The following PRKCA variants were observed in gnomAD, a reference collection of about 807,000 sequenced individuals.
PRKCA encodes protein kinase C alpha type.
PRKCA carries 27 observed loss-of-function variants against 87.0 expected under a neutral mutation model. That is an observed-to-expected ratio of 0.31 (90% CI 0.23 to 0.43). The LOEUF (loss-of-function observed/expected upper bound fraction) is 0.43, where lower values mean the gene tolerates loss of function less well. Among genes scored for constraint, PRKCA ranks in the 20% least tolerant of loss-of-function variants. The pLI, the probability that PRKCA is intolerant of heterozygous loss-of-function variation, is 1.00. For missense variants in PRKCA, 518 were observed against 852.3 expected (o/e 0.61, Z 4.88); for synonymous variants, 329 against 311.1 (o/e 1.06, Z -0.61).
At chr17:66,743,349 T>C (rs1041014816) in intron 13 of PRKCA, among the ~76,000 whole-genome samples, 2 of 151,994 alleles carry the variant, frequency 1.3e-5, no homozygotes, top group African/African-American at 4.8e-5. Context: ...TACTGTTGAG[T>C]GGAGGGAATT....
chr17:66,584,254 C>T (rs1405770495), intron 3 of PRKCA, among the ~76,000 whole-genome samples: 1 of 143,562 alleles, frequency 7.0e-6, no homozygotes, highest in Non-Finnish European at 1.5e-5. Flanking sequence ...TGGAATCTCG[C>T]TCTGTCGCCC....
At chr17:66,327,090 G>A (rs973979640) in intron 2 of PRKCA, among the ~76,000 whole-genome samples, 4 of 151,712 alleles carry the variant, frequency 2.6e-5, no homozygotes, top group Non-Finnish European at 5.9e-5. Flanking sequence ...TAAATAATAG[G>A]CCAGGCGTGG....
rs116666231 is a variant in PRKCA at position 66,329,555 on chromosome 17, C to T, written c.205+23428C>T. On this transcript the variant is annotated intron_variant, in intron 2 of 16. Transcript: ENST00000413366. Reference sequence around the variant, plus strand: ...GGAATCAGTATAGTTTAGTCATCTACGGAGATGGGAATGAACAAGAGAGGG... The same window carrying T: ...GGAATCAGTATAGTTTAGTCATCTATGGAGATGGGAATGAACAAGAGAGGG... Among the ~76,000 whole-genome samples, 688 of 152,190 alleles carry T rather than the reference C, an allele frequency of 4.5e-3. 2 individuals are homozygous for T. The highest frequency in any genetic ancestry group is 0.016 in the African/African-American group (646 of 41,508).
intron 2 of PRKCA, among the ~76,000 whole-genome samples, chr17:66,328,668 C>T (rs1273365180): frequency 1.3e-5 from 2 of 152,072 alleles, no homozygotes; most frequent in Non-Finnish European, 2.9e-5. Context: ...CATGGTGGCA[C>T]GTGCCTGTAA....
intron 12 of PRKCA, 125 bp from the exon 13 acceptor site, chr17:66,742,497 A>G (rs1974179328): frequency 1.0e-6 from 1 of 1,002,500 alleles, no homozygotes; most frequent in Non-Finnish European, 1.5e-6. Flanking sequence ...ACTACAGTCC[A>G]GGGACTTATA....
Position 66,571,981 on chromosome 17 carries a change from G to A in PRKCA, c.289-69374G>A, listed in dbSNP as rs576370789. On this transcript the variant is annotated intron_variant, in intron 3 of 16. Coordinates refer to ENST00000413366, the MANE Select transcript of PRKCA (RefSeq NM_002737.3). ...CCAGTGTGCCACTCCGTATAATTCC[G>A]TCTGACGTGCCACTCCATATAATTG... Among the ~76,000 whole-genome samples the A allele has an allele frequency of 3.3e-5, 5 of 152,268 alleles. No individual in the cohort carries two copies. The East Asian group carries it at 7.7e-4, about 23-fold the overall frequency.
chr17:66,664,067 C>T (rs1971977525), intron 5 of PRKCA, among the ~76,000 whole-genome samples: 1 of 152,052 alleles, frequency 6.6e-6, no homozygotes, highest in Admixed American at 6.5e-5. Context: ...AGGGTTTCGC[C>T]ATGTTGGCCG....
intron 3 of PRKCA, among the ~76,000 whole-genome samples, chr17:66,562,932 AT>A (rs554888700): frequency 6.6e-6 from 1 of 151,984 alleles, no homozygotes; most frequent in Non-Finnish European, 1.5e-5. Flanking sequence ...GTTTTATTTT[AT>A]TATTATTTGG....
intron 2 of PRKCA, among the ~76,000 whole-genome samples, chr17:66,363,066 C>T (rs1402482985): frequency 6.6e-6 from 1 of 152,142 alleles, no homozygotes; most frequent in Non-Finnish European, 1.5e-5. Context: ...AGAAATCTTA[C>T]CTGTTGGAGA....
intron 9 of PRKCA, among the ~76,000 whole-genome samples, chr17:66,733,698 AG>A (rs1193308529): frequency 3.3e-5 from 5 of 152,206 alleles, no homozygotes; most frequent in African/African-American, 1.2e-4. Flanking sequence ...AAGCTGAGGC[AG>A]GAGAATCGCT....
Position 66,502,880 on chromosome 17 carries a change from C to T in PRKCA, c.288+6597C>T, listed in dbSNP as rs183042046. On this transcript the variant is annotated intron_variant, in intron 3 of 16. Coordinates refer to ENST00000413366, the MANE Select transcript of PRKCA (RefSeq NM_002737.3). ...TTCACCATGTTAGCCAGGATGGCCT[C>T]GATCTCTGGACCTCGTGATCCGCCT... Among the ~76,000 whole-genome samples the T allele has an allele frequency of 3.8e-4, 58 of 151,908 alleles. 1 individual carries two copies. In the East Asian group the frequency reaches 6.3e-3, roughly 16 times the overall value.
At chr17:66,759,759 C>T (rs1199203679) in intron 13 of PRKCA, among the ~76,000 whole-genome samples, 1 of 152,134 alleles carries the variant, frequency 6.6e-6, no homozygotes, top group South Asian at 2.1e-4. Flanking sequence ...CATGCTAATA[C>T]TAATCAAAGA....
chr17:66,766,039 C>A (rs1974805775), intron 13 of PRKCA, among the ~76,000 whole-genome samples: 1 of 152,180 alleles, frequency 6.6e-6, no homozygotes, highest in Non-Finnish European at 1.5e-5. Flanking sequence ...CCTATTGTTA[C>A]AATTGAAGGC....
intron 3 of PRKCA, among the ~76,000 whole-genome samples, chr17:66,614,607 C>T (rs1243607477): frequency 6.6e-6 from 1 of 152,154 alleles, no homozygotes; most frequent in Non-Finnish European, 1.5e-5. Flanking sequence ...TCTGAAACTA[C>T]ATGGGCCTCA....
chr17:66,728,401 C>T (rs1262130132), intron 8 of PRKCA, among the ~76,000 whole-genome samples: 3 of 152,200 alleles, frequency 2.0e-5, no homozygotes, highest in Non-Finnish European at 2.9e-5. Flanking sequence ...GCTCTGCTTC[C>T]GGCTGAAAAG....
In PRKCA at chr17:66,804,134, G is replaced by T. The variant is rs1975970913; in HGVS notation, c.*97G>T. The stretch of plus-strand genomic sequence containing the variant: ...TAAAATTTTAAGGCCACGGCCTTGT[G>T]TCTGATTCCATATGGAGGCCTGAAA... On this transcript the variant is annotated 3_prime_UTR_variant, in exon 17 of 17. Coordinates refer to ENST00000413366, the MANE Select transcript of PRKCA (RefSeq NM_002737.3). 4.1e-6 allele frequency: 6 copies of T among 1,476,400 alleles called. No individual in the cohort carries two copies. Among genetic ancestry groups the T allele is most frequent in the Non-Finnish European group, 9.0e-7 (1 of 1,106,072 alleles). The allele number at this position is 1,476,400 out of a possible 1,614,324, so 91.5% of individuals were successfully genotyped here. A position where few individuals can be genotyped will look rare whatever the true frequency, so the allele number is the denominator to read the frequency against.
At chr17:66,760,272 A>T (rs1454523976) in intron 13 of PRKCA, among the ~76,000 whole-genome samples, 21 of 152,222 alleles carry the variant, frequency 1.4e-4, no homozygotes, top group Admixed American at 1.2e-3. Flanking sequence ...AAAATTCCAA[A>T]ATACTTGAAG....
intron 1 of PRKCA, 105 bp downstream of exon 1, chr17:66,303,129 T>A: frequency 6.9e-7 from 1 of 1,441,414 alleles, no homozygotes; most frequent in Non-Finnish European, 9.3e-7. Context: ...TCCGATAACT[T>A]GGAACCGGCG....
chr17:66,388,310 T>G (rs915311049), intron 2 of PRKCA, among the ~76,000 whole-genome samples: 50 of 152,238 alleles, frequency 3.3e-4, no homozygotes, highest in African/African-American at 1.2e-3. Context: ...TTTTTTTTCT[T>G]TGGGACGGAG....
Sources: allele counts gnomAD v4.1 joint callset (sites outside exome capture counted in the v4.1 genomes callset), GRCh38; gene constraint gnomAD v4.1.1; transcripts MANE v1.5; gene names NCBI Gene and HGNC (gene_info 2026-07-23, HGNC 2026-07-21).